The following ERBIN variants were observed in gnomAD, a reference collection of about 807,000 sequenced individuals.
ERBIN encodes the protein erbb2 interacting protein, also known as densin-180-like protein.
ERBIN carries 60 observed loss-of-function variants against 158.4 expected under a neutral mutation model. The observed-to-expected ratio is 0.38, with a 90% CI of 0.31 to 0.47. ERBIN has a LOEUF of 0.47. ERBIN is among the 20% of genes least tolerant of loss of function. ERBIN has a pLI of 0.99. For synonymous variants in ERBIN, 594 were observed against 557.2 expected, an observed-to-expected ratio of 1.07 and a Z score of -0.93; for missense variants, 1,610 against 1,648.0, an observed-to-expected ratio of 0.98 and a Z score of 0.40.
rs1223131557 is a variant in ERBIN at position 66,053,490 on chromosome 5, T to C, written c.2172T>C (p.Asp724=). 7 of 1,607,494 alleles carry C rather than the reference T, an allele frequency of 4.4e-6. No homozygotes were observed. The highest frequency in any genetic ancestry group is 5.9e-6 in the Non-Finnish European group (7 of 1,178,126). ...SSTEEKFKAH[D]KKDFNLPEYD... ...CAGAGGAAAAGTTCAAAGCTCATGA[T>C]AAAAAAGATTTTAACTTACCTGAAT... is the stretch of plus-strand genomic sequence containing the variant. The change falls in exon 21 of 26, where the codon GAT becomes GAC. Residue 724 remains aspartate, a synonymous_variant. Coordinates refer to ENST00000284037, the MANE Select transcript of ERBIN (RefSeq NM_001253697.2).
In ERBIN at chr5:66,071,651, T is replaced by A. The variant is rs377611696; in HGVS notation, c.3634-518T>A. ...TTTTGTAAGACTATAAGTGTATTGG[T>A]TCTGCTTGTCATTAAAATTTAGGGG... On this transcript the variant is annotated intron_variant, in intron 21 of 25. Transcript: ENST00000284037. 2.5e-4 allele frequency among the ~76,000 whole-genome samples: 38 copies of A among 151,924 alleles called. 1 individual carries two copies. In the East Asian group the frequency reaches 4.3e-3, roughly 17 times the overall value.
At position 65,994,928 on chromosome 5, in the gene ERBIN, T is replaced by C. The variant is rs1752258243; in HGVS notation, c.307+64T>C. ...ACATGTTTCATTACTAAGATTTCTA[T>C]TGAGTTTTCAAAAATAAAAATATAA... is the stretch of plus-strand genomic sequence containing the variant. On this transcript the variant is annotated intron_variant, in intron 4 of 25. Transcript: ENST00000284037. The C allele has an allele frequency of 5.4e-6, 5 of 929,430 alleles. No individual in the cohort carries two copies. The East Asian group carries it at 1.0e-4, about 19-fold the overall frequency. The allele number at this position is 929,430 out of a possible 1,614,324, so 57.6% of individuals were successfully genotyped here.
chr5:65,995,765 C>G (rs2151058199), intron 4 of ERBIN, among the ~76,000 whole-genome samples: 1 of 152,308 alleles, frequency 6.6e-6, no homozygotes, highest in South Asian at 2.1e-4. Flanking sequence ...CTTTTCTCGA[C>G]ACCCTCATCA....
At chr5:66,026,253 C>T in intron 12 of ERBIN, 49 bp from the exon 13 acceptor site, 1 of 1,218,764 alleles carries the variant, frequency 8.2e-7, no homozygotes, top group Non-Finnish European at 1.1e-6. Flanking sequence ...ATATGTTGAT[C>T]AACCTGTAGG....
chr5:66,038,340 C>A, intron 14 of ERBIN, 43 bp from the exon 15 acceptor site: 1 of 1,324,940 alleles, frequency 7.5e-7, no homozygotes, highest in Non-Finnish European at 1.1e-6. Context: ...TATATATTTG[C>A]TTTAGGGTTA....
intron 1 of ERBIN, among the ~76,000 whole-genome samples, chr5:65,969,143 A>G (rs193068315): frequency 2.0e-5 from 3 of 152,348 alleles, no homozygotes; most frequent in East Asian, 3.9e-4. Flanking sequence ...AAAGAAAAAA[A>G]TGCTAATGTG....
At chr5:66,051,031 AATAC>A (rs1273055568) in intron 20 of ERBIN, 65 bp downstream of exon 20, 4 of 1,002,060 alleles carry the variant, frequency 4.0e-6, no homozygotes, top group African/African-American at 1.7e-5. Context: ...GCAGATAACA[AATAC>A]ATAAATATAT....
rs1756868089 is a variant in ERBIN, at chr5:66,031,461, A to G, written c.1206+3118A>G. The stretch of plus-strand genomic sequence containing the variant: ...ATAGGACTAAGCTTTAGGATCAAAG[A>G]TGGGGAAGATAACCAAGGGATGTAA... On this transcript the variant is annotated intron_variant, in intron 14 of 25. Transcript: ENST00000284037. Among the ~76,000 whole-genome samples the G allele has an allele frequency of 2.6e-5, 4 of 152,222 alleles. No homozygotes were observed. The South Asian group carries it at 8.3e-4, about 31-fold the overall frequency.
chr5:66,019,267 A>C (rs74636092), intron 7 of ERBIN, among the ~76,000 whole-genome samples: 1 of 152,200 alleles, frequency 6.6e-6, no homozygotes, highest in South Asian at 2.1e-4. Context: ...AAGTATTACA[A>C]AGTCATGTGC....
intron 1 of ERBIN, among the ~76,000 whole-genome samples, chr5:65,935,582 C>T (rs1176308516): frequency 6.6e-6 from 1 of 152,164 alleles, no homozygotes; most frequent in Non-Finnish European, 1.5e-5. Context: ...TGAAATATTT[C>T]ATTCCTTAGT....
chr5:65,943,290 C>G (rs1745298213), intron 1 of ERBIN, among the ~76,000 whole-genome samples: 1 of 152,204 alleles, frequency 6.6e-6, no homozygotes. Flanking sequence ...TAATCAGGCA[C>G]TTGCATTACC....
At chr5:65,957,765 G>A (rs1244533439) in intron 1 of ERBIN, among the ~76,000 whole-genome samples, 1 of 150,026 alleles carries the variant, frequency 6.7e-6, no homozygotes. Flanking sequence ...CGGGCAGAGG[G>A]GCTCCTCACT....
chr5:65,966,551 A>G (rs777670046), intron 1 of ERBIN, among the ~76,000 whole-genome samples: 17 of 152,020 alleles, frequency 1.1e-4, no homozygotes, highest in Non-Finnish European at 2.4e-4. Flanking sequence ...ATGGTGGCGC[A>G]TGCCTGTAAT....
chr5:65,978,782 G>T (rs755108026), intron 1 of ERBIN, among the ~76,000 whole-genome samples: 2 of 152,184 alleles, frequency 1.3e-5, no homozygotes, highest in Non-Finnish European at 2.9e-5. Flanking sequence ...GTTACATTTT[G>T]CCAAGAAGTC....
chr5:66,075,396 T>C (rs902344121), intron 23 of ERBIN, among the ~76,000 whole-genome samples, 166 bp downstream of exon 23: 9 of 152,256 alleles, frequency 5.9e-5, no homozygotes, highest in Non-Finnish European at 1.0e-4. Context: ...TAATTTTTAT[T>C]TGACTTTGTG....
chr5:66,010,207 T>C (rs917276668), intron 4 of ERBIN, among the ~76,000 whole-genome samples: 1 of 152,218 alleles, frequency 6.6e-6, no homozygotes, highest in Non-Finnish European at 1.5e-5. Flanking sequence ...TTGAAAGTTA[T>C]TGGCCATTTA....
chr5:65,969,041 T>G (rs16894628), intron 1 of ERBIN, among the ~76,000 whole-genome samples: 2,102 of 152,262 alleles, frequency 0.014, 46 homozygotes, highest in African/African-American at 0.048. Context: ...TAAGGGCATA[T>G]AAGTGAATGA....
At chr5:65,965,382 GTTTTTTTTTTT>G (rs200847060) in intron 1 of ERBIN, among the ~76,000 whole-genome samples, 3 of 96,060 alleles carry the variant, frequency 3.1e-5, no homozygotes, top group Non-Finnish European at 4.1e-5. Flanking sequence ...GTTTTTTGTT[GTTTTTTTTTTT>G]TTTTTTTTTT....
chr5:66,059,283 T>G (rs1463524176), intron 21 of ERBIN, among the ~76,000 whole-genome samples: 2 of 152,336 alleles, frequency 1.3e-5, no homozygotes, highest in East Asian at 3.9e-4. Context: ...CTAGGTGTTT[T>G]ATTCTCTTTG....
Sources: gnomAD v4.1 joint callset for allele counts (sites outside exome capture counted in the v4.1 genomes callset) on GRCh38, gnomAD v4.1.1 for gene constraint, MANE v1.5 for transcripts, NCBI Gene and HGNC (gene_info 2026-07-23, HGNC 2026-07-21) for gene names.